Variants in STPG1 observed in about 807,000 individuals in gnomAD.
STPG1 encodes the protein sperm tail PG-rich repeat containing 1, also known as O(6)-methylguanine-induced apoptosis 2.
A neutral mutation model predicts 40.1 loss-of-function variants in STPG1; 33 were observed. The observed-to-expected ratio is 0.82, with a 90% CI of 0.62 to 1.10. The LOEUF (loss-of-function observed/expected upper bound fraction) is 1.10, where lower values mean the gene tolerates loss of function less well. Ranked by LOEUF, STPG1 falls within the 50% of genes least tolerant of loss-of-function variation. The pLI, the probability that STPG1 is intolerant of heterozygous loss-of-function variation, is 0.00. For synonymous variants in STPG1, 150 were observed against 155.0 expected (o/e 0.97, Z 0.24); for missense variants, 396 against 415.1 (o/e 0.95, Z 0.40).
chr1:24,372,556 C>T (rs1391668276), intron 6 of STPG1, among the ~76,000 whole-genome samples: 3 of 152,158 alleles, frequency 2.0e-5, no homozygotes, highest in Non-Finnish European at 4.4e-5. Context: ...CTGGCCAACC[C>T]CAGGGATGCT....
At chr1:24,384,746 C>T (rs1288364730) in intron 3 of STPG1, among the ~76,000 whole-genome samples, 1 of 152,116 alleles carries the variant, frequency 6.6e-6, no homozygotes, top group African/African-American at 2.4e-5. Context: ...GCAAGAGGTT[C>T]CTGGGTACCT....
chr1:24,389,500 C>G (rs927774968), intron 3 of STPG1, among the ~76,000 whole-genome samples: 1 of 152,106 alleles, frequency 6.6e-6, no homozygotes, highest in South Asian at 2.1e-4. Flanking sequence ...TTACTTTGAG[C>G]CTCTTAAGTG....
intron 3 of STPG1, 21 bp from the exon 4 acceptor site, chr1:24,384,024 G>A (rs1048753746): frequency 1.4e-6 from 2 of 1,448,698 alleles, no homozygotes; most frequent in African/African-American, 1.4e-5. Context: ...AGAGAAGGTG[G>A]TGTCATCGAG....
At position 24,357,946 on chromosome 1, in the gene STPG1, A is replaced by T; in HGVS notation, c.*597T>A. On this transcript the variant is annotated 3_prime_UTR_variant, in exon 9 of 9. Coordinates refer to ENST00000337248, the MANE Select transcript of STPG1 (RefSeq NM_001199013.2). ...TCCAAAGAGAAAAAGGTCTAAAAGG[A>T]GTAAAGAGAGGTCTTTCCAAACAGG... 1 of 343,124 alleles carries T rather than the reference A, an allele frequency of 2.9e-6. No homozygotes were observed. The highest frequency in any genetic ancestry group is 2.3e-5 in the South Asian group (1 of 43,794). 21.3% of individuals were successfully genotyped at this position (343,124 alleles called of 1,614,324 possible).
rs780157093 is a variant in STPG1 at position 24,358,435 on chromosome 1, A to G, written c.*108T>C. 4 of 939,566 alleles carry G rather than the reference A, an allele frequency of 4.3e-6. No homozygotes were observed. The highest frequency in any genetic ancestry group is 3.4e-5 in the Admixed American group (2 of 58,196). 58.2% of individuals were successfully genotyped at this position (939,566 alleles called of 1,614,324 possible). On this transcript the variant is annotated 3_prime_UTR_variant, in exon 9 of 9. Transcript: ENST00000337248. ...GCCAGAGTGGTAGAGCCACCCCCCA[A>G]GTTGTCAGCTGCCACACTCATGATC...
At chr1:24,405,169 G>A (rs558965) in intron 1 of STPG1, among the ~76,000 whole-genome samples, 28,958 of 152,124 alleles carry the variant, frequency 0.19, 3,225 homozygotes, top group East Asian at 0.3. Context: ...TGTTGGTCAG[G>A]CTGGTCTCGA....
At chr1:24,365,476 T>C (rs995287999) in intron 7 of STPG1, among the ~76,000 whole-genome samples, 2 of 152,216 alleles carry the variant, frequency 1.3e-5, no homozygotes, top group African/African-American at 4.8e-5. Flanking sequence ...ATACTTCACT[T>C]TGCTTCTGAA....
intron 2 of STPG1, among the ~76,000 whole-genome samples, chr1:24,400,902 C>T (rs944519208): frequency 2.0e-5 from 3 of 152,130 alleles, no homozygotes; most frequent in Admixed American, 6.5e-5. Flanking sequence ...GAAACAATCA[C>T]GAGGGAGATA....
intron 1 of STPG1, among the ~76,000 whole-genome samples, chr1:24,403,408 T>A (rs1316143926): frequency 6.6e-6 from 1 of 152,172 alleles, no homozygotes; most frequent in Non-Finnish European, 1.5e-5. Context: ...TCCAACTTTG[T>A]CTTATTTTTC....
upstream of STPG1, chr1:24,414,769 T>TA (rs2148726332): frequency 6.6e-6 from 1 of 152,172 alleles, no homozygotes; most frequent in South Asian, 2.1e-4. Context: ...CTCCTGGGCT[T>TA]AAGTGATCCT....
At chr1:24,402,707 C>A (rs1643270843) in intron 1 of STPG1, among the ~76,000 whole-genome samples, 1 of 150,214 alleles carries the variant, frequency 6.7e-6, no homozygotes, top group Admixed American at 6.6e-5. Flanking sequence ...GACAGCACCA[C>A]TGCACTCCAG....
At chr1:24,372,043 C>T (rs556550197) in intron 6 of STPG1, among the ~76,000 whole-genome samples, 9 of 151,948 alleles carry the variant, frequency 5.9e-5, no homozygotes, top group Non-Finnish European at 8.8e-5. Context: ...CCGGGCGTGG[C>T]GGCGCATGCC....
intron 7 of STPG1, among the ~76,000 whole-genome samples, chr1:24,366,094 G>A (rs1171006676): frequency 2.0e-5 from 3 of 152,226 alleles, no homozygotes; most frequent in Non-Finnish European, 4.4e-5. Flanking sequence ...CCTGAAGAAA[G>A]CAGATCCAGA....
At chr1:24,380,495 G>C (rs1225275499) in intron 4 of STPG1, among the ~76,000 whole-genome samples, 1 of 152,210 alleles carries the variant, frequency 6.6e-6, no homozygotes, top group Admixed American at 6.5e-5. Context: ...CCCTAAGATA[G>C]CATGGCAAGT....
At position 24,373,752 on chromosome 1, in the gene STPG1, G is replaced by A. The variant is rs532325455; in HGVS notation, c.521C>T (p.Ser174Leu). 2 of 1,613,010 alleles carry A rather than the reference G, an allele frequency of 1.2e-6. No individual in the cohort carries two copies. Among genetic ancestry groups the A allele is most frequent in the East Asian group, 2.2e-5 (1 of 44,856 alleles). Residue 174 changes from serine to leucine, a missense_variant, in exon 6 of 9, where the codon TCA (serine) becomes TTA (leucine). Coordinates refer to ENST00000337248, the MANE Select transcript of STPG1 (RefSeq NM_001199013.2). ...NNVCTRAGFM[S>L]KTQRGSFAFA... ...AGCGAAAGATCCTCTTTGGGTTTTT[G>A]ACATAAACCCGGCTCGAGTACAGAC...
At chr1:24,395,820 G>C (rs988400893) in intron 2 of STPG1, among the ~76,000 whole-genome samples, 1 of 151,912 alleles carries the variant, frequency 6.6e-6, no homozygotes, top group Admixed American at 6.5e-5. Flanking sequence ...ACTTTGGGAG[G>C]CCTCCTCACC....
chr1:24,401,030 A>C (rs1643201992), intron 2 of STPG1: 3 of 328,172 alleles, frequency 9.1e-6, no homozygotes, highest in African/African-American at 2.1e-5. Context: ...ACATATCTAA[A>C]TTTGAGGATA....
chr1:24,378,398 G>A (rs1642127108), intron 5 of STPG1, among the ~76,000 whole-genome samples: 1 of 152,196 alleles, frequency 6.6e-6, no homozygotes. Flanking sequence ...CACTTTGGGA[G>A]GCCGAGGCAG....
Position 24,391,698 on chromosome 1 carries a change from G to A in STPG1, c.71-19C>T, listed in dbSNP as rs937064752. 8 of 1,477,592 alleles carry A rather than the reference G, an allele frequency of 5.4e-6. No homozygotes were observed. In the South Asian group the frequency reaches 6.2e-5, roughly 11 times the overall value. The allele number at this position is 1,477,592 out of a possible 1,614,324, so 91.5% of individuals were successfully genotyped here. On this transcript the variant is annotated intron_variant, in intron 2 of 8. Transcript: ENST00000337248. The stretch of plus-strand genomic sequence containing the variant: ...GTAAAACCTAAACAACAAAAATGGA[G>A]TAAAATCAAAATGAATACAAAACAA...
Sources: allele counts gnomAD v4.1 joint callset (sites outside exome capture counted in the v4.1 genomes callset), GRCh38; gene constraint gnomAD v4.1.1; transcripts MANE v1.5; gene names NCBI Gene and HGNC (gene_info 2026-07-23, HGNC 2026-07-21).